The following ZMYND8 variants were observed in gnomAD, a reference collection of about 807,000 sequenced individuals.
ZMYND8 encodes zinc finger MYND-type containing 8, also known as MYND-type zinc finger-containing chromatin reader ZMYND8.
ZMYND8 carries 37 observed loss-of-function variants against 140.8 expected under a neutral mutation model. The observed-to-expected ratio is 0.26, with a 90% CI of 0.20 to 0.35. The LOEUF is 0.35. ZMYND8 is among the 10% of genes least tolerant of loss of function. The pLI is 1.00. For missense variants in ZMYND8, 1,068 were observed against 1,570.0 expected (o/e 0.68, Z 5.40); for synonymous variants, 592 against 597.1 (o/e 0.99, Z 0.12).
At chr20:47,273,508 T>C (rs1214743984) in intron 11 of ZMYND8, among the ~76,000 whole-genome samples, 1 of 152,230 alleles carries the variant, frequency 6.6e-6, no homozygotes, top group South Asian at 2.1e-4. Flanking sequence ...ATCGTGGCAC[T>C]GCGCTCTAGC....
chr20:47,224,294 GAGGCAGCCCCAC>G lies in ZMYND8; in HGVS notation c.3256+11_3256+22del. ...GCCAAGCCACTGCAGCCCAGGACGG[GAGGCAGCCCCAC>G]AGGGCATTACCTGACTGGGTGCAGG... On this transcript the variant is annotated intron_variant, in intron 19 of 22. Coordinates refer to ENST00000471951, the MANE Select transcript of ZMYND8 (RefSeq NM_001281775.3). 1 of 1,612,964 alleles carries G rather than the reference GAGGCAGCCCCAC, an allele frequency of 6.2e-7. No individual in the cohort carries two copies. The highest frequency in any genetic ancestry group is 2.2e-5 in the East Asian group (1 of 44,854).
intron 2 of ZMYND8, among the ~76,000 whole-genome samples, chr20:47,343,495 A>G (rs2082075931): frequency 6.6e-6 from 1 of 152,146 alleles, no homozygotes; most frequent in Admixed American, 6.5e-5. Context: ...AGAAAAGACT[A>G]ATACCCCATA....
intron 12 of ZMYND8, among the ~76,000 whole-genome samples, chr20:47,255,896 A>T (rs1013231917): frequency 1.3e-5 from 2 of 149,810 alleles, no homozygotes; most frequent in African/African-American, 4.9e-5. Context: ...CAACATGGTG[A>T]AACCCTATCT....
At chr20:47,349,229 T>C (rs1277905945) in intron 1 of ZMYND8, 1 of 152,244 alleles carries the variant, frequency 6.6e-6, no homozygotes, top group Non-Finnish European at 1.5e-5. Flanking sequence ...AGAGTTAAAT[T>C]ATAGGGGCTT....
At chr20:47,240,650 G>A (rs1374244675) in intron 14 of ZMYND8, among the ~76,000 whole-genome samples, 1 of 151,474 alleles carries the variant, frequency 6.6e-6, no homozygotes, top group African/African-American at 2.4e-5. Context: ...CGCCCTCTGA[G>A]TTCAAGCGAT....
At chr20:47,215,434 G>A (rs975874367) in intron 21 of ZMYND8, among the ~76,000 whole-genome samples, 1 of 151,834 alleles carries the variant, frequency 6.6e-6, no homozygotes, top group African/African-American at 2.4e-5. Context: ...GGATGGTGGA[G>A]TATCAGAATA....
intron 16 of ZMYND8, among the ~76,000 whole-genome samples, chr20:47,235,913 G>A (rs1185791053): frequency 6.6e-6 from 1 of 152,104 alleles, no homozygotes; most frequent in African/African-American, 2.4e-5. Context: ...ATCAAAGTGT[G>A]GGCATCTCAC....
At chr20:47,267,630 G>C (rs1203043205) in intron 11 of ZMYND8, among the ~76,000 whole-genome samples, 1 of 152,126 alleles carries the variant, frequency 6.6e-6, no homozygotes, top group Non-Finnish European at 1.5e-5. Context: ...CCACACAGCA[G>C]CCAGGGCAGA....
chr20:47,222,833 T>G (rs192541226), intron 19 of ZMYND8, among the ~76,000 whole-genome samples: 2 of 152,386 alleles, frequency 1.3e-5, no homozygotes, highest in Non-Finnish European at 2.9e-5. Flanking sequence ...GAGCAAGAGC[T>G]GGCAAGCTAG....
chr20:47,323,923 G>A (rs1320171558), intron 2 of ZMYND8, among the ~76,000 whole-genome samples: 8 of 152,084 alleles, frequency 5.3e-5, no homozygotes, highest in Non-Finnish European at 8.8e-5. Context: ...AAACCTGGCC[G>A]GGCGTGGTGG....
intron 14 of ZMYND8, 50 bp from the exon 15 acceptor site, chr20:47,239,188 T>G: frequency 6.7e-7 from 1 of 1,484,774 alleles, no homozygotes; most frequent in Non-Finnish European, 8.9e-7. Flanking sequence ...TTCACTCAGG[T>G]TCACCTGCAC....
chr20:47,306,875 G>A (rs2078528781), intron 3 of ZMYND8, among the ~76,000 whole-genome samples: 1 of 152,190 alleles, frequency 6.6e-6, no homozygotes, highest in African/African-American at 2.4e-5. Flanking sequence ...GAAATTCAGA[G>A]GTGGATGAAA....
chr20:47,309,887 T>G (rs1445890590), intron 3 of ZMYND8, among the ~76,000 whole-genome samples, 169 bp downstream of exon 3: 2 of 152,090 alleles, frequency 1.3e-5, no homozygotes, highest in African/African-American at 4.8e-5. Context: ...TGGAAATTTC[T>G]ACACAGGCCC....
chr20:47,231,988 G>C (rs2038551551), intron 16 of ZMYND8, among the ~76,000 whole-genome samples: 1 of 152,176 alleles, frequency 6.6e-6, no homozygotes. Flanking sequence ...TTCCACTCCA[G>C]GTCAACTCAG....
At chr20:47,259,616 C>T (rs1180129581) in intron 12 of ZMYND8, among the ~76,000 whole-genome samples, 2 of 152,096 alleles carry the variant, frequency 1.3e-5, no homozygotes, top group African/African-American at 2.4e-5. Context: ...GGCTCCAGGG[C>T]AACACACTCC....
intron 11 of ZMYND8, among the ~76,000 whole-genome samples, chr20:47,268,326 C>A (rs1365646940): frequency 7.1e-6 from 1 of 140,276 alleles, no homozygotes; most frequent in African/African-American, 2.7e-5. Context: ...GGGAGTCTCG[C>A]TCTGTCACCC....
intron 21 of ZMYND8, among the ~76,000 whole-genome samples, chr20:47,217,318 C>A (rs1316170935): frequency 6.6e-6 from 1 of 152,152 alleles, no homozygotes; most frequent in African/African-American, 2.4e-5. Context: ...CCTAAGTATA[C>A]CTGACATATG....
Position 47,248,978 on chromosome 20 carries a change from G to GA in ZMYND8, c.1774+308dup, listed in dbSNP as rs1276123766. Among the ~76,000 whole-genome samples the GA allele has an allele frequency of 5.9e-4, 77 of 131,418 alleles. 2 individuals carry two copies. In the East Asian group the frequency reaches 0.015, roughly 25 times the overall value. 86.2% of individuals were successfully genotyped at this position (131,418 alleles called of 152,430 possible). ...TGTGGAGACACTGATGCGTACTGAG[G>GA]AGAGCAGAGGCAAAACTCAGAGGAT... On this transcript the variant is annotated intron_variant, in intron 13 of 22. Coordinates refer to ENST00000471951, the MANE Select transcript of ZMYND8 (RefSeq NM_001281775.3).
At chr20:47,342,478 T>C (rs2081976977) in intron 2 of ZMYND8, among the ~76,000 whole-genome samples, 1 of 146,186 alleles carries the variant, frequency 6.8e-6, no homozygotes, top group African/African-American at 2.5e-5. Flanking sequence ...ACCAGGGAAG[T>C]GGAGGTTGCA....
Sources: allele counts gnomAD v4.1 joint callset (sites outside exome capture counted in the v4.1 genomes callset), GRCh38; gene constraint gnomAD v4.1.1; transcripts MANE v1.5; gene names NCBI Gene and HGNC (gene_info 2026-07-23, HGNC 2026-07-21).